ADARB1: variants seen among roughly 807,000 people sequenced by gnomAD.
ADARB1 encodes adenosine deaminase RNA specific B1.
In ADARB1, 10 loss-of-function variants were observed where a neutral mutation model predicts 52.4. That is an observed-to-expected ratio of 0.19 (90% CI 0.12 to 0.32). ADARB1 has a LOEUF of 0.32. Among genes scored for constraint, ADARB1 ranks in the 10% least tolerant of loss-of-function variants. ADARB1 has a pLI of 1.00. For synonymous variants in ADARB1, 349 were observed against 371.1 expected (o/e 0.94, Z 0.68); for missense variants, 643 against 922.3 (o/e 0.70, Z 3.92).
chr21:45,200,643 C>T lies in ADARB1; in HGVS notation c.1566-3912C>T, dbSNP rs1428794705. ...TGGAGGTAGGGGAAGCCAAGATGGG[C>T]TCTGCAGAAGGTGGCCTCCCGTGCA... On this transcript the variant is annotated intron_variant, in intron 8 of 10. Coordinates refer to ENST00000348831, the MANE Select transcript of ADARB1 (RefSeq NM_001112.4). The surrounding 1 kb of genome is among the most constrained non-coding windows in gnomAD (Gnocchi z 5.0). Among the ~76,000 whole-genome samples the T allele has an allele frequency of 6.6e-6, 1 of 152,098 alleles. No individual in the cohort carries two copies. Among genetic ancestry groups the T allele is most frequent in the African/African-American group, 2.4e-5 (1 of 41,400 alleles).
At chr21:45,126,843 G>A (rs1031386321) in intron 1 of ADARB1, among the ~76,000 whole-genome samples, 3 of 152,152 alleles carry the variant, frequency 2.0e-5, no homozygotes, top group Non-Finnish European at 2.9e-5. Flanking sequence ...CAAAGTGGCT[G>A]GGCTTCCCAT....
intron 1 of ADARB1, among the ~76,000 whole-genome samples, chr21:45,096,449 G>C (rs2086765186): frequency 1.3e-5 from 2 of 152,254 alleles, no homozygotes; most frequent in Non-Finnish European, 2.9e-5. Flanking sequence ...GCTGGCTGCT[G>C]TGGGCCTGTG....
At chr21:45,084,235 C>T (rs954304120) in intron 1 of ADARB1, among the ~76,000 whole-genome samples, 16 of 152,350 alleles carry the variant, frequency 1.1e-4, no homozygotes, top group African/African-American at 2.9e-4. Context: ...ATCATTCATT[C>T]AGTTGTCCAA....
intron 9 of ADARB1, among the ~76,000 whole-genome samples, chr21:45,215,300 A>C (rs898122291): frequency 1.3e-5 from 2 of 152,150 alleles, no homozygotes; most frequent in South Asian, 2.1e-4. Flanking sequence ...CGCCTGCCTC[A>C]GTCTCCCAAA....
At position 45,225,542 on chromosome 21, in the gene ADARB1, C is replaced by A. The variant is rs756529676; in HGVS notation, c.*3345C>A. On this transcript the variant is annotated 3_prime_UTR_variant, in exon 11 of 11. Transcript: ENST00000348831. ...GACAGTGTCTCTCCTTGTAATCTCA[C>A]ACAGGTACACTGAGGAGGGGACGGC... The A allele has an allele frequency of 4.2e-5, 56 of 1,337,982 alleles. No individual in the cohort carries two copies. The highest frequency in any genetic ancestry group is 4.8e-5 in the Non-Finnish European group (50 of 1,032,604). 82.9% of individuals were successfully genotyped at this position (1,337,982 alleles called of 1,614,324 possible). A position where few individuals can be genotyped will look rare whatever the true frequency, so the allele number is the denominator to read the frequency against.
At chr21:45,145,688 C>G (rs535298506) in intron 2 of ADARB1, 1 of 152,370 alleles carries the variant, frequency 6.6e-6, no homozygotes, top group East Asian at 1.9e-4. Flanking sequence ...AAGCACAGAA[C>G]AACTGCCTTC....
intron 1 of ADARB1, among the ~76,000 whole-genome samples, chr21:45,095,514 G>A (rs763884820): frequency 1.3e-5 from 2 of 152,122 alleles, no homozygotes; most frequent in Non-Finnish European, 2.9e-5. Context: ...CACGTTTCCC[G>A]AGGCTTCTGT....
chr21:45,168,669 C>A (rs943795847), intron 2 of ADARB1, among the ~76,000 whole-genome samples: 65 of 152,304 alleles, frequency 4.3e-4, no homozygotes, highest in African/African-American at 1.5e-3. Flanking sequence ...CTGCCCCTTG[C>A]CAACACTGTA....
intron 4 of ADARB1, among the ~76,000 whole-genome samples, chr21:45,178,800 T>A (rs958847124): frequency 6.6e-6 from 1 of 152,112 alleles, no homozygotes; most frequent in Non-Finnish European, 1.5e-5. Flanking sequence ...GGGAAGTCCT[T>A]CATTAACCAT....
chr21:45,136,291 A>G (rs1346697571), intron 2 of ADARB1, among the ~76,000 whole-genome samples: 2 of 152,210 alleles, frequency 1.3e-5, no homozygotes, highest in African/African-American at 4.8e-5. Context: ...AGCAAGCTCT[A>G]CATGATGGGT....
chr21:45,201,730 G>A (rs1347931803), intron 8 of ADARB1, among the ~76,000 whole-genome samples: 1 of 152,192 alleles, frequency 6.6e-6, no homozygotes, highest in Non-Finnish European at 1.5e-5. Flanking sequence ...GGGTAGGATG[G>A]GAGCAGAGAG....
At chr21:45,110,938 G>C (rs114871408) in intron 1 of ADARB1, among the ~76,000 whole-genome samples, 2,148 of 152,248 alleles carry the variant, frequency 0.014, 50 homozygotes, top group African/African-American at 0.05. Context: ...TCTGCTCTGT[G>C]AGGGGATGGT....
intron 8 of ADARB1, among the ~76,000 whole-genome samples, chr21:45,188,130 G>C (rs1424218241): frequency 1.3e-5 from 2 of 150,884 alleles, no homozygotes. Context: ...TTTTTGAGAT[G>C]GAGTCTCGCT....
chr21:45,195,982 A>G (rs1337700991), intron 8 of ADARB1, among the ~76,000 whole-genome samples: 3 of 152,226 alleles, frequency 2.0e-5, no homozygotes, highest in East Asian at 3.8e-4. Context: ...TTGAATCTCT[A>G]TGTCAAGTTG....
intron 2 of ADARB1, chr21:45,134,805 C>T: frequency 1.9e-6 from 1 of 534,224 alleles, no homozygotes; most frequent in Non-Finnish European, 3.8e-6. Flanking sequence ...GATGAAGATC[C>T]CGAGGATGAA....
At chr21:45,079,480 TG>T (rs1480059616) in intron 1 of ADARB1, among the ~76,000 whole-genome samples, 1 of 152,172 alleles carries the variant, frequency 6.6e-6, no homozygotes, top group East Asian at 1.9e-4. Flanking sequence ...GAGCCAGTGT[TG>T]GGATTTGAAC....
rs954570151 is a variant in ADARB1 at position 45,183,380 on chromosome 21, A to G, written c.1266A>G (p.Lys422=). The G allele has an allele frequency of 1.9e-6, 3 of 1,602,540 alleles. No homozygotes were observed. Among genetic ancestry groups the G allele is most frequent in the African/African-American group, 1.3e-5 (1 of 74,156 alleles). The stretch of plus-strand genomic sequence containing the variant: ...CTTTCAGTAACAAAGATGATCAAAA[A>G]AGATCCATCTTTCAGAAATCAGAGC... The part of the protein sequence containing the change: ...ELYLNNKDDQ[K]RSIFQKSERG... Residue 422 remains lysine (K), a synonymous_variant, in exon 7 of 11, where the codon AAA becomes AAG. Coordinates refer to ENST00000348831, the MANE Select transcript of ADARB1 (RefSeq NM_001112.4).
intron 2 of ADARB1, among the ~76,000 whole-genome samples, chr21:45,164,993 A>T (rs2091185051): frequency 6.6e-6 from 1 of 152,154 alleles, no homozygotes; most frequent in Non-Finnish European, 1.5e-5. Context: ...GCTGCCCGGG[A>T]TGGCCAGGTG....
intron 2 of ADARB1, among the ~76,000 whole-genome samples, chr21:45,161,365 C>T (rs889080016): frequency 6.6e-6 from 1 of 152,206 alleles, no homozygotes; most frequent in Admixed American, 6.5e-5. Context: ...AGTGCCTGCT[C>T]CCACTGCTTG....
Sources: allele counts gnomAD v4.1 joint callset (sites outside exome capture counted in the v4.1 genomes callset), GRCh38; gene constraint gnomAD v4.1.1; non-coding constraint Gnocchi (gnomAD v3.1); transcripts MANE v1.5; gene names NCBI Gene and HGNC (gene_info 2026-07-23, HGNC 2026-07-21).